MRPL47: variants seen among roughly 807,000 people sequenced by gnomAD.
MRPL47 encodes the protein large ribosomal subunit protein uL29m.
In MRPL47, 31 loss-of-function variants were observed where a neutral mutation model predicts 34.0. The observed-to-expected ratio is 0.91, with a 90% CI of 0.68 to 1.23. The LOEUF (loss-of-function observed/expected upper bound fraction) is 1.23, where lower values mean the gene tolerates loss of function less well. Ranked by LOEUF, MRPL47 falls within the 50% of genes most tolerant of loss-of-function variation. The pLI is 0.00. For synonymous variants in MRPL47, 106 were observed against 101.6 expected, an observed-to-expected ratio of 1.04 and a Z score of -0.26; for missense variants, 328 against 285.8, an observed-to-expected ratio of 1.15 and a Z score of -1.07.
rs755977122 is a variant in MRPL47 at position 179,604,609 on chromosome 3, A to C, written c.16T>G (p.Leu6Val). ...GAAACTCTCCTACAAAGAAGGGCCA[A>C]ACCGGCCGCAGCCATGTTTTCGCAT... MAAAG[L>V]ALLCRRVSSA... Residue 6 changes from leucine (L) to valine (V), a missense_variant, in exon 1 of 7, where the codon TTG becomes GTG. Leu to Val is a conservative substitution (Grantham distance 32). Coordinates refer to ENST00000476781, the MANE Select transcript of MRPL47 (RefSeq NM_020409.3). The C allele has an allele frequency of 6.2e-7, 1 of 1,614,230 alleles. No homozygotes were observed. Among genetic ancestry groups the C allele is most frequent in the Admixed American group, 1.7e-5 (1 of 60,014 alleles).
chr3:179,604,492 G>A lies in MRPL47; in HGVS notation c.98+35C>T, dbSNP rs1323675205. The stretch of plus-strand genomic sequence containing the variant: ...GGCAACCAAACAAGATCCAAAGTTG[G>A]AGAGGTGGGCAAACCTACTTTATAC... On this transcript the variant is annotated intron_variant, in intron 1 of 6. Transcript: ENST00000476781. The A allele has an allele frequency of 2.5e-6, 4 of 1,577,148 alleles. No homozygotes were observed. In the East Asian group the frequency reaches 6.8e-5, roughly 27 times the overall value.
intron 4 of MRPL47, among the ~76,000 whole-genome samples, chr3:179,597,082 T>G (rs1718804694): frequency 6.6e-6 from 1 of 152,214 alleles, no homozygotes. Flanking sequence ...GATAGATGCA[T>G]AGAAGGATAA....
chr3:179,598,723 C>T lies in MRPL47; in HGVS notation c.354G>A (p.Glu118=). The T allele has an allele frequency of 6.2e-7, 1 of 1,613,262 alleles. No homozygotes were observed. Among genetic ancestry groups the T allele is most frequent in the South Asian group, 1.1e-5 (1 of 91,070 alleles). ...GCATTGGCAATCTCTGCCGCTTGGC[C>T]TCCTGCTCTAGGGTTAGAAGCATGT... ...ERNMLLTLEQ[E]AKRQRLPMPS... is the part of the protein sequence containing the mutation. The change falls in exon 4 of 7, where the codon GAG becomes GAA. Residue 118 remains glutamate, a synonymous_variant. Coordinates refer to ENST00000476781, the MANE Select transcript of MRPL47 (RefSeq NM_020409.3).
chr3:179,589,262 GT>G (rs1198627896), intron 6 of MRPL47, among the ~76,000 whole-genome samples: 3 of 152,044 alleles, frequency 2.0e-5, no homozygotes, highest in African/African-American at 7.3e-5. Context: ...TGGGCCTTAA[GT>G]TCAATCCTCA....
chr3:179,590,979 G>A (rs1223921869), intron 6 of MRPL47, among the ~76,000 whole-genome samples: 1 of 152,212 alleles, frequency 6.6e-6, no homozygotes, highest in Non-Finnish European at 1.5e-5. Context: ...GTTCAGTAGG[G>A]AGATGAGTAA....
chr3:179,594,359 C>A (rs1328544806), intron 4 of MRPL47, among the ~76,000 whole-genome samples: 1 of 152,206 alleles, frequency 6.6e-6, no homozygotes, highest in Non-Finnish European at 1.5e-5. Flanking sequence ...AAAGGAATAG[C>A]AGTCCATCCA....
chr3:179,589,016 C>A (rs1718599969), intron 6 of MRPL47, 21 bp from the exon 7 acceptor site: 30 of 1,584,646 alleles, frequency 1.9e-5, no homozygotes, highest in Non-Finnish European at 2.6e-5. Flanking sequence ...AAAAGCGTAA[C>A]AGCAATTTAT....
chr3:179,590,526 G>A (rs1419664617), intron 6 of MRPL47, among the ~76,000 whole-genome samples: 1 of 152,058 alleles, frequency 6.6e-6, no homozygotes, highest in Non-Finnish European at 1.5e-5. Flanking sequence ...AGCAACAGAA[G>A]AAGCAACAGT....
At position 179,601,721 on chromosome 3, in the gene MRPL47, T is replaced by G; in HGVS notation, c.305+9A>C. The G allele has an allele frequency of 6.4e-7, 1 of 1,560,080 alleles. No individual in the cohort carries two copies. Among genetic ancestry groups the G allele is most frequent in the South Asian group, 1.1e-5 (1 of 89,760 alleles). On this transcript the variant is annotated intron_variant, in intron 3 of 6. Transcript: ENST00000476781. ...AACGTCTAGATGTTAATGTACTTAG[T>G]ATACTTACCAAAGTTTGTGTAAATC...
At position 179,588,833 on chromosome 3, in the gene MRPL47, C is replaced by A; in HGVS notation, c.*39G>T. The A allele has an allele frequency of 6.3e-7, 1 of 1,596,704 alleles. No individual in the cohort carries two copies. The highest frequency in any genetic ancestry group is 8.5e-7 in the Non-Finnish European group (1 of 1,171,152). On this transcript the variant is annotated 3_prime_UTR_variant, in exon 7 of 7. Transcript: ENST00000476781. ...TATTTACTCCTGTACACAGACTATTCAAGAAAAACAAAATGGTAAATTTAA... is the reference window on the plus strand; with the variant it reads ...TATTTACTCCTGTACACAGACTATTAAAGAAAAACAAAATGGTAAATTTAA...
At chr3:179,598,596 C>T in intron 4 of MRPL47, 79 bp downstream of exon 4, 1 of 916,534 alleles carries the variant, frequency 1.1e-6, no homozygotes. Context: ...ATCTATTTGA[C>T]AAGAAATACA....
chr3:179,594,334 G>A (rs1718745044), intron 4 of MRPL47, among the ~76,000 whole-genome samples: 1 of 152,174 alleles, frequency 6.6e-6, no homozygotes, highest in African/African-American at 2.4e-5. Flanking sequence ...CTTGGTAGCT[G>A]TTGCTACTAC....
intron 6 of MRPL47, among the ~76,000 whole-genome samples, chr3:179,591,654 G>A (rs180679677): frequency 1.8e-3 from 277 of 152,216 alleles, no homozygotes; most frequent in Non-Finnish European, 2.7e-3. Context: ...TCTTCCTAGC[G>A]CCATTTCTTT....
At position 179,604,595 on chromosome 3, in the gene MRPL47, A is replaced by G. The variant is rs759006398; in HGVS notation, c.30T>C (p.Cys10=). Residue 10 remains cysteine (C), a synonymous_variant, in exon 1 of 7, where the codon TGT becomes TGC. Transcript: ENST00000476781. The part of the protein sequence containing the change: MAAAGLALL[C]RRVSSALKSS... Reference sequence around the variant, plus strand: ...ATTTCAGGGCGGATGAAACTCTCCTACAAAGAAGGGCCAAACCGGCCGCAG... The same window carrying G: ...ATTTCAGGGCGGATGAAACTCTCCTGCAAAGAAGGGCCAAACCGGCCGCAG... The G allele has an allele frequency of 1.2e-6, 2 of 1,614,234 alleles. No individual in the cohort carries two copies. Among genetic ancestry groups the G allele is most frequent in the South Asian group, 2.2e-5 (2 of 91,090 alleles).
At chr3:179,594,411 T>C (rs559781021) in intron 4 of MRPL47, among the ~76,000 whole-genome samples, 1 of 152,332 alleles carries the variant, frequency 6.6e-6, no homozygotes, top group East Asian at 1.9e-4. Context: ...AAGATGATAC[T>C]ATTAAACTTC....
intron 3 of MRPL47, 55 bp from the exon 4 acceptor site, chr3:179,598,826 T>C: frequency 7.8e-7 from 1 of 1,282,770 alleles, no homozygotes. Context: ...GTTAATAAAG[T>C]TGTGATTTCT....
intron 4 of MRPL47, among the ~76,000 whole-genome samples, chr3:179,594,643 C>T (rs537201576): frequency 2.0e-5 from 3 of 152,192 alleles, no homozygotes; most frequent in East Asian, 1.9e-4. Flanking sequence ...CCACCACACC[C>T]GGCTAATTTT....
intron 6 of MRPL47, among the ~76,000 whole-genome samples, 160 bp downstream of exon 6, chr3:179,592,484 G>A (rs774656062): frequency 1.1e-4 from 16 of 152,118 alleles, no homozygotes; most frequent in African/African-American, 2.2e-4. Flanking sequence ...GTGAGCCACC[G>A]CACCCAGCCT....
At chr3:179,598,618 C>T (rs1224882855) in intron 4 of MRPL47, 57 bp downstream of exon 4, 7 of 1,062,530 alleles carry the variant, frequency 6.6e-6, no homozygotes, top group Non-Finnish European at 8.8e-6. Context: ...GAACCACATA[C>T]TCACTCCTTT....
Sources: gnomAD v4.1 joint callset for allele counts (sites outside exome capture counted in the v4.1 genomes callset) on GRCh38, gnomAD v4.1.1 for gene constraint, MANE v1.5 for transcripts, NCBI Gene and HGNC (gene_info 2026-07-23, HGNC 2026-07-21) for gene names.